DGKB: variants seen among roughly 807,000 people sequenced by gnomAD.
The protein encoded by DGKB is diacylglycerol kinase beta, also known as 90 kDa diacylglycerol kinase.
DGKB carries 67 observed loss-of-function variants against 114.3 expected under a neutral mutation model. That is an observed-to-expected ratio of 0.59 (90% CI 0.48 to 0.72). The LOEUF (loss-of-function observed/expected upper bound fraction) is 0.72. Among genes scored for constraint, DGKB ranks in the 30% least tolerant of loss-of-function variants. DGKB has a pLI of 0.00. For missense variants in DGKB, 907 were observed against 975.2 expected, an observed-to-expected ratio of 0.93 and a Z score of 0.93; for synonymous variants, 398 against 323.1, an observed-to-expected ratio of 1.23 and a Z score of -2.49.
At chr7:14,836,224 A>T (rs1311499474) in intron 2 of DGKB, among the ~76,000 whole-genome samples, 4 of 152,236 alleles carry the variant, frequency 2.6e-5, no homozygotes, top group African/African-American at 9.6e-5. Context: ...ACTGCACACC[A>T]GGTCCAAACA....
At chr7:14,786,762 C>T (rs1839959918) in intron 2 of DGKB, among the ~76,000 whole-genome samples, 1 of 151,786 alleles carries the variant, frequency 6.6e-6, no homozygotes, top group South Asian at 2.1e-4. Flanking sequence ...TCACCTCAGC[C>T]CCCTCCAGAT....
chr7:14,844,934 C>T lies in DGKB; in HGVS notation c.-187-3484G>A, dbSNP rs982205434. 5.3e-5 allele frequency among the ~76,000 whole-genome samples: 8 copies of T among 151,660 alleles called. No homozygotes were observed. The East Asian group carries it at 1.6e-3, about 29-fold the overall frequency. On this transcript the variant is annotated intron_variant, in intron 1 of 25. Transcript: ENST00000402815. ...CCAGCCTGGGCAACATGGAGAAACC[C>T]TGTCTCTACCAAAAATACAAAAATT...
intron 20 of DGKB, among the ~76,000 whole-genome samples, chr7:14,488,375 A>T (rs1402790792): frequency 6.6e-6 from 1 of 152,208 alleles, no homozygotes; most frequent in Non-Finnish European, 1.5e-5. Context: ...TAGAAAGAAT[A>T]AACTTACTAT....
rs1000475441 is a variant in DGKB at position 14,579,778 on chromosome 7, G to C, written c.1609+1084C>G. 6.6e-5 allele frequency among the ~76,000 whole-genome samples: 10 copies of C among 151,920 alleles called. 1 individual carries two copies. The Middle Eastern group carries it at 0.014, about 208-fold the overall frequency. ...TTTGCCGTAAATCAGAGTTACTTAG[G>C]GAGTTTGTTTAAAAAAAAAAATCAT... On this transcript the variant is annotated intron_variant, in intron 19 of 25. Transcript: ENST00000402815.
intron 2 of DGKB, among the ~76,000 whole-genome samples, chr7:14,766,373 A>G (rs950614506): frequency 6.6e-6 from 1 of 151,932 alleles, no homozygotes; most frequent in East Asian, 1.9e-4. Context: ...ATTATTTTGA[A>G]AGTAGAGCCA....
At chr7:14,251,206 T>C (rs1795187830) in intron 23 of DGKB, among the ~76,000 whole-genome samples, 1 of 152,158 alleles carries the variant, frequency 6.6e-6, no homozygotes, top group Admixed American at 6.5e-5. Context: ...TTTCTTTCTT[T>C]TTTTCCTCTG....
intron 5 of DGKB, among the ~76,000 whole-genome samples, chr7:14,726,384 T>G (rs1283996977): frequency 6.6e-6 from 1 of 151,780 alleles, no homozygotes; most frequent in African/African-American, 2.4e-5. Context: ...AGGTGATCCA[T>G]GGCCTCCCAA....
chr7:14,226,565 C>T (rs556500765), intron 23 of DGKB, among the ~76,000 whole-genome samples: 1 of 152,012 alleles, frequency 6.6e-6, no homozygotes, highest in African/African-American at 2.4e-5. Context: ...TAAATTTTAA[C>T]ATCATGACTA....
intron 2 of DGKB, among the ~76,000 whole-genome samples, chr7:14,780,824 C>T (rs548012191): frequency 9.2e-5 from 14 of 152,314 alleles, no homozygotes; most frequent in African/African-American, 1.9e-4. Context: ...GGCATCATAA[C>T]GTAGTTTCTG....
chr7:14,416,705 C>G (rs1032811823), intron 21 of DGKB, among the ~76,000 whole-genome samples: 2 of 152,080 alleles, frequency 1.3e-5, no homozygotes, highest in Non-Finnish European at 2.9e-5. Flanking sequence ...CCTTCCCAGC[C>G]CCGTGGAACT....
In DGKB at chr7:14,149,072, A is replaced by G. The variant is rs1442631991; in HGVS notation, c.*59T>C. 1 of 1,405,094 alleles carries G rather than the reference A, an allele frequency of 7.1e-7. No individual in the cohort carries two copies. Among genetic ancestry groups the G allele is most frequent in the Admixed American group, 1.7e-5 (1 of 59,524 alleles). The allele number at this position is 1,405,094 out of a possible 1,614,324, so 87.0% of individuals were successfully genotyped here. A position where few individuals can be genotyped will look rare whatever the true frequency, so the allele number is the denominator to read the frequency against. On this transcript the variant is annotated 3_prime_UTR_variant, in exon 26 of 26. Coordinates refer to ENST00000402815, the MANE Select transcript of DGKB (RefSeq NM_001350709.2). ...TTGAAATGGTTCAAAGATTTCCAGC[A>G]TATGTGTTCCATGGCCCAATTATGC...
intron 16 of DGKB, among the ~76,000 whole-genome samples, chr7:14,610,274 GA>G (rs1805292741): frequency 6.6e-6 from 1 of 151,970 alleles, no homozygotes; most frequent in South Asian, 2.1e-4. Context: ...CACAGAAACA[GA>G]AAACCAAATA....
chr7:14,860,499 G>A (rs1369086956), intron 1 of DGKB, among the ~76,000 whole-genome samples: 1 of 151,892 alleles, frequency 6.6e-6, no homozygotes, highest in Non-Finnish European at 1.5e-5. Context: ...AAGTAGGTAA[G>A]GAAAAGAGGA....
chr7:14,847,778 G>T lies in DGKB; in HGVS notation c.-187-6328C>A, dbSNP rs376112404. ...TTCAGAGAGCAATTCAGAAAGCCAG[G>T]TTTATTTAAACTAACTGACAAAAGT... On this transcript the variant is annotated intron_variant, in intron 1 of 25. Coordinates refer to ENST00000402815, the MANE Select transcript of DGKB (RefSeq NM_001350709.2). Among the ~76,000 whole-genome samples, 1,135 of 152,216 alleles carry T rather than the reference G, an allele frequency of 7.5e-3. 9 individuals carry two copies. Among genetic ancestry groups the T allele is most frequent in the African/African-American group, 0.026 (1,092 of 41,532 alleles).
At chr7:14,678,163 A>T (rs561364661) in intron 12 of DGKB, among the ~76,000 whole-genome samples, 26 of 152,174 alleles carry the variant, frequency 1.7e-4, no homozygotes, top group African/African-American at 6.0e-4. Flanking sequence ...CTTACTGAAG[A>T]CTTTTCTACA....
At chr7:14,535,794 G>A (rs1792382876) in intron 20 of DGKB, among the ~76,000 whole-genome samples, 1 of 151,898 alleles carries the variant, frequency 6.6e-6, no homozygotes, top group Admixed American at 6.6e-5. Context: ...CACCATGTTG[G>A]CAGGATGGTC....
intron 21 of DGKB, among the ~76,000 whole-genome samples, chr7:14,403,444 G>A (rs557507946): frequency 1.3e-5 from 2 of 151,886 alleles, no homozygotes; most frequent in East Asian, 1.9e-4. Flanking sequence ...GATCAGCAAC[G>A]AACATTCAAT....
At chr7:14,209,788 G>T (rs1787455582) in intron 23 of DGKB, among the ~76,000 whole-genome samples, 1 of 151,842 alleles carries the variant, frequency 6.6e-6, no homozygotes, top group African/African-American at 2.4e-5. Context: ...TGGCAACACT[G>T]TTTTAGTGGA....
intron 8 of DGKB, among the ~76,000 whole-genome samples, chr7:14,696,140 C>A (rs1049580208): frequency 1.3e-5 from 2 of 152,068 alleles, no homozygotes; most frequent in Non-Finnish European, 2.9e-5. Context: ...TACAAACACA[C>A]CCCCCAACAC....
Sources: gnomAD v4.1 joint callset for allele counts (sites outside exome capture counted in the v4.1 genomes callset) on GRCh38, gnomAD v4.1.1 for gene constraint, MANE v1.5 for transcripts, NCBI Gene and HGNC (gene_info 2026-07-23, HGNC 2026-07-21) for gene names.